The following HSD17B12 variants were observed in gnomAD, a reference collection of about 807,000 sequenced individuals.
The protein encoded by HSD17B12 is hydroxysteroid 17-beta dehydrogenase 12, also known as very-long-chain 3-oxoacyl-CoA reductase.
In HSD17B12, 32 loss-of-function variants were observed where a neutral mutation model predicts 39.3. The observed-to-expected ratio is 0.81, with a 90% CI of 0.61 to 1.09. The LOEUF is 1.09. HSD17B12 is among the 50% of genes least tolerant of loss of function. The probability of loss-of-function intolerance (pLI) is 0.00; values close to 1 mark genes in which losing one functional copy is unlikely to be tolerated. For missense variants in HSD17B12, 342 were observed against 382.9 expected (o/e 0.89, Z 0.89); for synonymous variants, 150 against 146.7 (o/e 1.02, Z -0.16).
chr11:43,739,876 G>A (rs575792894), intron 1 of HSD17B12, among the ~76,000 whole-genome samples: 1 of 152,320 alleles, frequency 6.6e-6, no homozygotes, highest in South Asian at 2.1e-4. Context: ...TCAGCTCATG[G>A]AAGACCTTGT....
rs181083190 is a variant in HSD17B12 at position 43,698,769 on chromosome 11, T to G, written c.160+17782T>G. 2.4e-3 allele frequency among the ~76,000 whole-genome samples: 371 copies of G among 152,350 alleles called. 2 individuals carry two copies. Among genetic ancestry groups the G allele is most frequent in the Admixed American group, 5.1e-3 (78 of 15,296 alleles). The stretch of plus-strand genomic sequence containing the variant: ...CACTGGGCCTTTTCCCCTCTTCACC[T>G]TTCAATTAGAAACCTAGAAATAGAA... On this transcript the variant is annotated intron_variant, in intron 1 of 10. Transcript: ENST00000278353.
the HSD17B12 span, among the ~76,000 whole-genome samples, chr11:43,626,641 GT>G: frequency 6.6e-6 from 1 of 151,668 alleles, no homozygotes; most frequent in African/African-American, 2.4e-5. Flanking sequence ...CTTAAGTAAT[GT>G]TTTCAAAGGA....
chr11:43,723,129 A>G (rs765348988), intron 1 of HSD17B12, among the ~76,000 whole-genome samples: 3 of 152,206 alleles, frequency 2.0e-5, no homozygotes, highest in African/African-American at 4.8e-5. Flanking sequence ...GTGGCATGTT[A>G]GTAATCAGAA....
intron 1 of HSD17B12, among the ~76,000 whole-genome samples, chr11:43,691,578 A>T: frequency 6.6e-6 from 1 of 152,260 alleles, no homozygotes; most frequent in East Asian, 1.9e-4. Flanking sequence ...CCTCCCTACC[A>T]AATCTTACAC....
the HSD17B12 span, among the ~76,000 whole-genome samples, chr11:43,625,770 A>C: frequency 6.6e-6 from 1 of 151,304 alleles, no homozygotes; most frequent in Non-Finnish European, 1.5e-5. Context: ...AAAAATGTTA[A>C]AAAGACCAAA....
chr11:43,594,235 A>G, the HSD17B12 span, among the ~76,000 whole-genome samples: 156 of 152,270 alleles, frequency 1.0e-3, no homozygotes, highest in African/African-American at 3.7e-3. Context: ...TGAATGAAGT[A>G]TACAACTTTG....
chr11:43,776,948 C>G (rs1389835058), intron 3 of HSD17B12, among the ~76,000 whole-genome samples: 2 of 152,132 alleles, frequency 1.3e-5, no homozygotes, highest in African/African-American at 4.8e-5. Context: ...GGGCTCTGTT[C>G]TGTTCCATTG....
the HSD17B12 span, chr11:43,581,522 A>G: frequency 3.4e-5 from 16 of 467,556 alleles, no homozygotes; most frequent in South Asian, 4.6e-5. This position sits in a 1 kb window ranked among gnomAD's most constrained non-coding sequence, Gnocchi z 4.9. Flanking sequence ...GCGATCGCCG[A>G]AGCCCGCACC....
chr11:43,590,129 A>G, the HSD17B12 span, among the ~76,000 whole-genome samples: 1 of 152,100 alleles, frequency 6.6e-6, no homozygotes, highest in Non-Finnish European at 1.5e-5. Context: ...GTGAATGTAA[A>G]ATGACTAGGA....
chr11:43,710,981 T>C (rs922212063), intron 1 of HSD17B12, among the ~76,000 whole-genome samples: 3 of 152,010 alleles, frequency 2.0e-5, no homozygotes, highest in Non-Finnish European at 2.9e-5. Flanking sequence ...TTAGTAGAGA[T>C]AGGGTTTCAC....
chr11:43,638,789 G>A, the HSD17B12 span, among the ~76,000 whole-genome samples: 608 of 152,302 alleles, frequency 4.0e-3, 5 homozygotes, highest in Middle Eastern at 0.041. Flanking sequence ...GGACTAATGA[G>A]TCAGATTAAT....
At chr11:43,734,069 T>A in intron 1 of HSD17B12, 1 of 945,238 alleles carries the variant, frequency 1.1e-6, no homozygotes, top group Non-Finnish European at 1.7e-6. Context: ...AACTTCCTCA[T>A]ATCTTCACCA....
chr11:43,628,484 T>A, the HSD17B12 span, among the ~76,000 whole-genome samples: 1 of 152,074 alleles, frequency 6.6e-6, no homozygotes, highest in Non-Finnish European at 1.5e-5. Context: ...CTTAAAAACA[T>A]TGTGTACTAA....
At chr11:43,824,427 C>T (rs1951212594) in intron 6 of HSD17B12, among the ~76,000 whole-genome samples, 1 of 152,192 alleles carries the variant, frequency 6.6e-6, no homozygotes, top group African/African-American at 2.4e-5. Flanking sequence ...TTATAAAGAG[C>T]ATAAACTTAT....
At chr11:43,609,819 T>TC in the HSD17B12 span, among the ~76,000 whole-genome samples, 3 of 152,234 alleles carry the variant, frequency 2.0e-5, no homozygotes, top group Non-Finnish European at 4.4e-5. Flanking sequence ...GGTTTCCCCA[T>TC]TTGTAAGATG....
At chr11:43,623,685 C>A in the HSD17B12 span, among the ~76,000 whole-genome samples, 6 of 151,280 alleles carry the variant, frequency 4.0e-5, no homozygotes, top group Non-Finnish European at 8.9e-5. Context: ...CATAAAAACC[C>A]GAGGGAAAAA....
At chr11:43,622,295 A>G in the HSD17B12 span, among the ~76,000 whole-genome samples, 1 of 151,912 alleles carries the variant, frequency 6.6e-6, no homozygotes, top group Non-Finnish European at 1.5e-5. Flanking sequence ...CTTCCTAGAC[A>G]CTCTGTGGCC....
chr11:43,737,722 A>G (rs973097082), intron 1 of HSD17B12, among the ~76,000 whole-genome samples: 9 of 152,162 alleles, frequency 5.9e-5, no homozygotes, highest in Admixed American at 5.2e-4. Context: ...ATTTCATAGC[A>G]AAGTGGAATC....
the HSD17B12 span, among the ~76,000 whole-genome samples, chr11:43,659,380 A>T: frequency 3.3e-5 from 5 of 152,192 alleles, no homozygotes; most frequent in Non-Finnish European, 5.9e-5. Flanking sequence ...GCTCACGCAC[A>T]GTGCATTGCA....
Sources: allele counts gnomAD v4.1 joint callset (sites outside exome capture counted in the v4.1 genomes callset), GRCh38; gene constraint gnomAD v4.1.1; non-coding constraint Gnocchi (gnomAD v3.1); transcripts MANE v1.5; gene names NCBI Gene and HGNC (gene_info 2026-07-23, HGNC 2026-07-21).